The following ZFYVE9 variants were observed in gnomAD, a reference collection of about 807,000 sequenced individuals.
The protein encoded by ZFYVE9 is zinc finger FYVE domain-containing protein 9.
In ZFYVE9, 43 loss-of-function variants were observed where a neutral mutation model predicts 126.7. The ratio of observed to expected loss-of-function variants is 0.34; its 90% CI spans 0.27 to 0.44. The LOEUF (loss-of-function observed/expected upper bound fraction) is 0.44. Among genes scored for constraint, ZFYVE9 ranks in the 20% least tolerant of loss-of-function variants. The pLI is 1.00. For synonymous variants in ZFYVE9, 521 were observed against 597.4 expected (o/e 0.87, Z 1.87); for missense variants, 1,476 against 1,697.0 (o/e 0.87, Z 2.29).
intron 13 of ZFYVE9, among the ~76,000 whole-genome samples, chr1:52,324,200 G>C (rs1024603425): frequency 6.6e-6 from 1 of 151,964 alleles, no homozygotes; most frequent in African/African-American, 2.4e-5. Context: ...AGTAAGCTAT[G>C]ATTATGCCAC....
intron 1 of ZFYVE9, among the ~76,000 whole-genome samples, chr1:52,200,088 C>T (rs1254125700): frequency 6.6e-6 from 1 of 150,900 alleles, no homozygotes; most frequent in Non-Finnish European, 1.5e-5. Flanking sequence ...AGACCTTTAT[C>T]AGATAAATCT....
chr1:52,290,545 C>G (rs576945305), intron 10 of ZFYVE9, among the ~76,000 whole-genome samples: 1 of 152,204 alleles, frequency 6.6e-6, no homozygotes, highest in Admixed American at 6.5e-5. Context: ...TTCTCTTTGA[C>G]AAATTATCTG....
intron 1 of ZFYVE9, among the ~76,000 whole-genome samples, chr1:52,165,820 C>T (rs1475330719): frequency 6.6e-6 from 1 of 152,192 alleles, no homozygotes; most frequent in Non-Finnish European, 1.5e-5. Context: ...ATTGTCAGAA[C>T]AATCATTGAA....
chr1:52,177,409 A>G (rs555279209), intron 1 of ZFYVE9, among the ~76,000 whole-genome samples: 1 of 152,210 alleles, frequency 6.6e-6, no homozygotes, highest in Non-Finnish European at 1.5e-5. Context: ...CGCCGCACAA[A>G]GTGCTGGATT....
intron 1 of ZFYVE9, among the ~76,000 whole-genome samples, chr1:52,177,108 C>T (rs544201327): frequency 1.5e-3 from 223 of 151,910 alleles, no homozygotes; most frequent in South Asian, 5.6e-3. Context: ...AGCTGTAGAC[C>T]GGAGCTGTTC....
At chr1:52,185,490 A>G (rs1644756614) in intron 1 of ZFYVE9, among the ~76,000 whole-genome samples, 1 of 152,216 alleles carries the variant, frequency 6.6e-6, no homozygotes, top group South Asian at 2.1e-4. Context: ...TAGCTCTGTT[A>G]AGTAGCTGTA....
At position 52,288,925 on chromosome 1, in the gene ZFYVE9, CAAAAAAA is replaced by C. The variant is rs775138803; in HGVS notation, c.3026-4513_3026-4507del. ...TGGGTGACAGAGCGAGACTCTGTCT[CAAAAAAA>C]AAAAAAAAAAAAAAGAAAAAGAAAT... is the stretch of plus-strand genomic sequence containing the variant. On this transcript the variant is annotated intron_variant, in intron 10 of 18. Transcript: ENST00000287727. Among the ~76,000 whole-genome samples the C allele has an allele frequency of 2.6e-4, 16 of 62,038 alleles. No individual in the cohort carries two copies. In the South Asian group the frequency reaches 4.2e-3, roughly 16 times the overall value. The allele number at this position is 62,038 out of a possible 152,430, so 40.7% of individuals were successfully genotyped here. A position where few individuals can be genotyped will look rare whatever the true frequency, so the allele number is the denominator to read the frequency against.
intron 16 of ZFYVE9, among the ~76,000 whole-genome samples, chr1:52,339,344 G>T (rs180776612): frequency 1.3e-3 from 190 of 151,736 alleles, no homozygotes; most frequent in African/African-American, 4.2e-3. Flanking sequence ...CTGGAGTACA[G>T]TGGTGCGATC....
chr1:52,180,596 T>C (rs1557441449), intron 1 of ZFYVE9: 8 of 579,034 alleles, frequency 1.4e-5, no homozygotes, highest in Non-Finnish European at 2.5e-5. Flanking sequence ...ATTGTCTGGA[T>C]TTTTTAAAAA....
chr1:52,194,744 T>G (rs1644845692), intron 1 of ZFYVE9, among the ~76,000 whole-genome samples: 1 of 152,156 alleles, frequency 6.6e-6, no homozygotes, highest in African/African-American at 2.4e-5. Context: ...TATTGCACGT[T>G]AAAGGGTAAA....
At chr1:52,293,376 C>CAAAAAAAAA (rs376379860) in intron 10 of ZFYVE9, 77 bp from the exon 11 acceptor site, 8 of 604,238 alleles carry the variant, frequency 1.3e-5, no homozygotes, top group African/African-American at 3.5e-5. Context: ...GACTCCGTCT[C>CAAAAAAAAA]AAAAAAAAAA....
intron 10 of ZFYVE9, among the ~76,000 whole-genome samples, chr1:52,292,435 G>A (rs1418363558): frequency 6.7e-6 from 1 of 149,558 alleles, no homozygotes; most frequent in Non-Finnish European, 1.5e-5. Flanking sequence ...GAAATTATAA[G>A]CTTGGTGACA....
At chr1:52,299,307 A>G (rs1646010480) in intron 12 of ZFYVE9, among the ~76,000 whole-genome samples, 1 of 152,128 alleles carries the variant, frequency 6.6e-6, no homozygotes. Flanking sequence ...TAGCTCTAAC[A>G]GGTTTTTGGT....
intron 13 of ZFYVE9, among the ~76,000 whole-genome samples, chr1:52,316,565 G>C (rs953021407): frequency 2.0e-4 from 30 of 151,338 alleles, no homozygotes; most frequent in Admixed American, 6.6e-5. Flanking sequence ...TTAATATCTA[G>C]GTTATTTCAG....
intron 13 of ZFYVE9, among the ~76,000 whole-genome samples, chr1:52,322,130 C>T (rs553553251): frequency 6.6e-6 from 1 of 152,188 alleles, no homozygotes. Flanking sequence ...GTGCTGTCAT[C>T]TTTCCAGTTA....
intron 1 of ZFYVE9, among the ~76,000 whole-genome samples, chr1:52,193,499 G>A (rs1644833734): frequency 1.3e-5 from 2 of 151,150 alleles, no homozygotes; most frequent in Admixed American, 1.3e-4. Context: ...CTGAGGTCAG[G>A]AGATCGAGAC....
At chr1:52,225,431 A>G (rs1266716554) in intron 2 of ZFYVE9, among the ~76,000 whole-genome samples, 1 of 152,228 alleles carries the variant, frequency 6.6e-6, no homozygotes, top group Non-Finnish European at 1.5e-5. Flanking sequence ...TTTCTCAGCA[A>G]GGAACTTTAC....
rs760062480 is a variant in ZFYVE9, at chr1:52,268,486, C to T, written c.2479C>T (p.Arg827Ter). ...AEVAQPREQR[R>*]VWFADGILPN... ...AGTGGCTCAGCCCAGAGAGCAGAGG[C>T]GAGTTTGGTTTGCTGATGGGATCTT... The change falls in exon 7 of 19, where the codon CGA becomes TGA. Residue 827 changes from arginine (R) to a stop codon, truncating the protein, a stop_gained. Transcript: ENST00000287727. LOFTEE classifies it high-confidence loss of function. The T allele has an allele frequency of 3.1e-6, 5 of 1,613,974 alleles. No individual in the cohort carries two copies. Among genetic ancestry groups the T allele is most frequent in the Non-Finnish European group, 3.4e-6 (4 of 1,179,968 alleles).
chr1:52,192,043 T>C (rs79354683), intron 1 of ZFYVE9, among the ~76,000 whole-genome samples: 1 of 151,496 alleles, frequency 6.6e-6, no homozygotes, highest in African/African-American at 2.4e-5. Flanking sequence ...TTTTTTTTTT[T>C]CTAGAACAAG....
Sources: gnomAD v4.1 joint callset for allele counts (sites outside exome capture counted in the v4.1 genomes callset) on GRCh38, gnomAD v4.1.1 for gene constraint, MANE v1.5 for transcripts, NCBI Gene and HGNC (gene_info 2026-07-23, HGNC 2026-07-21) for gene names.